Variants in ITPR3 observed in about 807,000 individuals in gnomAD.
ITPR3 encodes the protein inositol 1,4,5-trisphosphate-gated calcium channel ITPR3.
A neutral mutation model predicts 293.2 loss-of-function variants in ITPR3; 173 were observed. That is an observed-to-expected ratio of 0.59 (90% confidence interval 0.52 to 0.67). The LOEUF (loss-of-function observed/expected upper bound fraction) is 0.67, where lower values mean the gene tolerates loss of function less well. Among genes scored for constraint, ITPR3 ranks in the 30% least tolerant of loss-of-function variants. The pLI, the probability that ITPR3 is intolerant of heterozygous loss-of-function variation, is 0.00. For synonymous variants in ITPR3, 1,295 were observed against 1,444.4 expected (o/e 0.90, Z 2.35); for missense variants, 2,796 against 3,592.1 (o/e 0.78, Z 5.66).
Position 33,683,526 on chromosome 6 carries a change from G to A in ITPR3, c.4788+129G>A. ...CTGCCCACACTTCCAGGAAGGGGCT[G>A]GTTGGCTTCTCTACACTCTGGGGCT... On this transcript the variant is annotated intron_variant, in intron 35 of 57. Transcript: ENST00000605930. The surrounding 1 kb of genome is among the most constrained non-coding windows in gnomAD (Gnocchi z 4.5). The A allele has an allele frequency of 2.4e-6, 2 of 846,638 alleles. 1 individual carries two copies. Among genetic ancestry groups the A allele is most frequent in the South Asian group, 4.3e-5 (2 of 46,900 alleles). The allele number at this position is 846,638 out of a possible 1,614,324, so 52.4% of individuals were successfully genotyped here. A position where few individuals can be genotyped will look rare whatever the true frequency, so the allele number is the denominator to read the frequency against.
At position 33,663,798 on chromosome 6, in the gene ITPR3, G is replaced by A. The variant is rs1327422911; in HGVS notation, c.1066G>A (p.Ala356Thr). Residue 356 changes from alanine to threonine, a missense_variant, in exon 11 of 58, where the codon GCT (alanine) becomes ACT (threonine). Physicochemically the swap from Ala to Thr is moderately conservative, Grantham distance 58 (BLOSUM62 0). Transcript: ENST00000605930. Reference sequence around the variant, plus strand: ...GGAGAAGATCAAGTACTGCCTGGTGGCTGTGCCTCATGGCAATGACATCGC... The same window carrying A: ...GGAGAAGATCAAGTACTGCCTGGTGACTGTGCCTCATGGCAATGACATCGC... The part of the protein sequence containing the change: ...AGEKIKYCLV[A>T]VPHGNDIASL... The A allele has an allele frequency of 6.2e-7, 1 of 1,614,170 alleles. No individual in the cohort carries two copies. Among genetic ancestry groups the A allele is most frequent in the South Asian group, 1.1e-5 (1 of 91,082 alleles).
intron 40 of ITPR3, 54 bp from the exon 41 acceptor site, chr6:33,685,589 A>T: frequency 6.3e-7 from 1 of 1,594,226 alleles, no homozygotes; most frequent in Non-Finnish European, 8.6e-7. Flanking sequence ...TAAGATGTGC[A>T]GGGGGGTGGC....
At chr6:33,648,796 A>C (rs777154791) in intron 2 of ITPR3, among the ~76,000 whole-genome samples, 14 of 151,872 alleles carry the variant, frequency 9.2e-5, no homozygotes, top group Admixed American at 2.6e-4. Context: ...GGTCTCACCA[A>C]GTTGCCCAGG....
Position 33,678,820 on chromosome 6 carries a change from A to G in ITPR3, c.3953A>G (p.Gln1318Arg), listed in dbSNP as rs1439538285. Residue 1318 changes from glutamine (Q) to arginine (R), a missense_variant, in exon 30 of 58, where the codon CAG becomes CGG. Gln to Arg is a conservative substitution (Grantham distance 43). Coordinates refer to ENST00000605930, the MANE Select transcript of ITPR3 (RefSeq NM_002224.4). Reference protein sequence around the residue: ...KAEGKYVKKCQDMIMTELTNA... With the variant: ...KAEGKYVKKCRDMIMTELTNA... ...GAGGGCAAGTACGTCAAGAAGTGCC[A>G]GGACATGATCATGACTGAGGTGAGG... 6.2e-7 allele frequency: 1 copy of G among 1,612,858 alleles called. No homozygotes were observed. Among genetic ancestry groups the G allele is most frequent in the South Asian group, 1.1e-5 (1 of 90,806 alleles).
In ITPR3 at chr6:33,677,603, GA is replaced by G; in HGVS notation, c.3623del (p.Asp1208AlafsTer14). The G allele has an allele frequency of 6.2e-7, 1 of 1,613,946 alleles. No individual in the cohort carries two copies. Among genetic ancestry groups the G allele is most frequent in the Non-Finnish European group, 8.5e-7 (1 of 1,179,908 alleles). On this transcript the variant is annotated frameshift_variant, in exon 28 of 58. Coordinates refer to ENST00000605930, the MANE Select transcript of ITPR3 (RefSeq NM_002224.4). LOFTEE classifies it high-confidence loss of function. ...KNMDAHKVML[D>X]LLQIPYDKGD... ...CATGGATGCCCACAAGGTCATGCTG[GA>G]CCTGCTGCAGATCCCCTATGACAAG...
intron 1 of ITPR3, among the ~76,000 whole-genome samples, chr6:33,628,889 C>A (rs1763609002): frequency 6.6e-6 from 1 of 152,268 alleles, no homozygotes; most frequent in East Asian, 1.9e-4. Flanking sequence ...CAGCCATTAG[C>A]CCTTCCTGCA....
rs749815880 is a variant in ITPR3 at position 33,688,451 on chromosome 6, AG to A, written c.6568+23del. ...TCCGCAGTGAGGACCCACGGGCGGGAGGGTGGGGCGGTCTGGAGCTGTTCAC... is the reference window on the plus strand; with the variant it reads ...TCCGCAGTGAGGACCCACGGGCGGGAGGTGGGGCGGTCTGGAGCTGTTCAC... On this transcript the variant is annotated intron_variant, in intron 48 of 57. Coordinates refer to ENST00000605930, the MANE Select transcript of ITPR3 (RefSeq NM_002224.4). 2.0e-5 allele frequency: 2 copies of A among 99,836 alleles called. No individual in the cohort carries two copies. The highest frequency in any genetic ancestry group is 3.6e-5 in the Non-Finnish European group (2 of 56,124). The allele number at this position is 99,836 out of a possible 1,614,324, so 6.2% of individuals were successfully genotyped here. A position where few individuals can be genotyped will look rare whatever the true frequency, so the allele number is the denominator to read the frequency against.
intron 3 of ITPR3, among the ~76,000 whole-genome samples, chr6:33,656,447 T>C (rs896996822): frequency 1.3e-5 from 2 of 152,200 alleles, no homozygotes; most frequent in Non-Finnish European, 2.9e-5. Flanking sequence ...GCCCTGGATC[T>C]AGTCTTAACC....
At position 33,690,172 on chromosome 6, in the gene ITPR3, G is replaced by T; in HGVS notation, c.7006G>T (p.Ala2336Ser). The T allele has an allele frequency of 6.2e-7, 1 of 1,614,084 alleles. No individual in the cohort carries two copies. The change falls in exon 51 of 58, where the codon GCT becomes TCT. Residue 2336 changes from alanine to serine, a missense_variant. Around this residue, in one of 8 missense-constraint regions of ITPR3, gnomAD observed 568 missense variants for 796.1 expected, o/e 0.71. Transcript: ENST00000605930. Reference protein sequence around the residue: ...YILTSVLGLFAHELFYSILLF... With the variant: ...YILTSVLGLFSHELFYSILLF... Reference sequence around the variant, plus strand: ...CCTGACCAGTGTCCTGGGCCTCTTTGCTCATGAGCTGTTCTACAGCATCCT... The same window carrying T: ...CCTGACCAGTGTCCTGGGCCTCTTTTCTCATGAGCTGTTCTACAGCATCCT...
Position 33,692,937 on chromosome 6 carries a change from A to C in ITPR3, c.7624+44A>C, listed in dbSNP as rs200096818. 215 of 1,600,050 alleles carry C rather than the reference A, an allele frequency of 1.3e-4. No individual in the cohort carries two copies. In the East Asian group the frequency reaches 2.8e-3, roughly 21 times the overall value. ...TCTGTGGAGGCCGCAGCGGGGCTGG[A>C]ACGTCATCTGATGCCAGTGGCAGTA... On this transcript the variant is annotated intron_variant, in intron 55 of 57. Transcript: ENST00000605930. The surrounding 1 kb of genome is among the most constrained non-coding windows in gnomAD (Gnocchi z 4.2).
intron 31 of ITPR3, 63 bp from the exon 32 acceptor site, chr6:33,680,266 G>A: frequency 6.3e-7 from 1 of 1,578,580 alleles, no homozygotes; most frequent in South Asian, 1.2e-5. Context: ...CAGGAGCATT[G>A]TGGCAGGGAG....
intron 32 of ITPR3, 32 bp downstream of exon 32, chr6:33,680,486 C>CAATGT: frequency 6.2e-7 from 1 of 1,611,324 alleles, no homozygotes; most frequent in South Asian, 1.1e-5. Flanking sequence ...GGGTGAAGCC[C>CAATGT]CCCAGGAGGT....
At chr6:33,685,968 T>C (rs556665627) in intron 41 of ITPR3, 85 bp from the exon 42 acceptor site, 2 of 1,539,098 alleles carry the variant, frequency 1.3e-6, no homozygotes, top group East Asian at 2.3e-5. Flanking sequence ...CCCCTACCCC[T>C]GCAGCACACA....
rs767314392 is a variant in ITPR3, at chr6:33,684,645, G to T, written c.5094G>T (p.Arg1698=). 1 of 1,614,092 alleles carries T rather than the reference G, an allele frequency of 6.2e-7. No individual in the cohort carries two copies. Reference sequence around the variant, plus strand: ...TGCTGCAAAACTACCTCCAGAACCGGAAGTCCACCTCGCGGGGGGACCTTC... The same window carrying T: ...TGCTGCAAAACTACCTCCAGAACCGTAAGTCCACCTCGCGGGGGGACCTTC... ...KMLLQNYLQN[R]KSTSRGDLPD... The change falls in exon 38 of 58, where the codon CGG becomes CGT. Residue 1698 remains arginine, a synonymous_variant. Transcript: ENST00000605930. The surrounding 1 kb of genome is among the most constrained non-coding windows in gnomAD (Gnocchi z 4.2).
Position 33,676,886 on chromosome 6 carries a change from G to A in ITPR3, c.3401G>A (p.Gly1134Asp). Residue 1134 changes from glycine to aspartate, a missense_variant, in exon 26 of 58, where the codon GGC (glycine) becomes GAC (aspartate). Transcript: ENST00000605930. ...CTGTGGGTGGACAAGAAGGGCAGTG[G>A]CAAGGGTGAGGAGGTGGAGGCAGGC... ...SELWVDKKGS[G>D]KGEEVEAGAA... The A allele has an allele frequency of 6.2e-7, 1 of 1,614,138 alleles. No individual in the cohort carries two copies. The highest frequency in any genetic ancestry group is 2.2e-5 in the East Asian group (1 of 44,884).
At chr6:33,650,809 T>A (rs74603355) in intron 2 of ITPR3, among the ~76,000 whole-genome samples, 1 of 152,042 alleles carries the variant, frequency 6.6e-6, no homozygotes, top group African/African-American at 2.4e-5. Flanking sequence ...TTTTTTTTTT[T>A]AATTGATTGA....
At position 33,695,709 on chromosome 6, in the gene ITPR3, T is replaced by C. The variant is rs1263781994; in HGVS notation, c.7948-3T>C. On this transcript the variant is annotated splice_polypyrimidine_tract_variant and splice_region_variant and intron_variant, in intron 57 of 57. Coordinates refer to ENST00000605930, the MANE Select transcript of ITPR3 (RefSeq NM_002224.4). The stretch of plus-strand genomic sequence containing the variant: ...AGGCCTGTTGGCATCTGCTTAACCC[T>C]AGATGACGGAGCAGCGGAAACGCAG... The C allele has an allele frequency of 6.2e-7, 1 of 1,614,078 alleles. No individual in the cohort carries two copies. Among genetic ancestry groups the C allele is most frequent in the East Asian group, 2.2e-5 (1 of 44,880 alleles).
chr6:33,668,833 A>C, intron 17 of ITPR3, 141 bp from the exon 18 acceptor site: 1 of 1,177,186 alleles, frequency 8.5e-7, no homozygotes, highest in Non-Finnish European at 1.2e-6. Flanking sequence ...AGAATGAGCC[A>C]CGGACCCTGC....
chr6:33,671,349 C>A, intron 21 of ITPR3, 43 bp downstream of exon 21: 2 of 1,462,580 alleles, frequency 1.4e-6, no homozygotes, highest in Non-Finnish European at 1.9e-6. Context: ...TGGTCCTCAG[C>A]CTCCTCCTAG....
Sources: allele counts gnomAD v4.1 joint callset (sites outside exome capture counted in the v4.1 genomes callset), GRCh38; gene constraint gnomAD v4.1.1; regional missense constraint gnomAD v4.1.1; non-coding constraint Gnocchi (gnomAD v3.1); transcripts MANE v1.5; gene names NCBI Gene and HGNC (gene_info 2026-07-23, HGNC 2026-07-21).